The following BRAF variants were observed in gnomAD, a reference collection of about 807,000 sequenced individuals.
BRAF encodes the protein B-Raf proto-oncogene, serine/threonine kinase.
A neutral mutation model predicts 104.6 loss-of-function variants in BRAF; 16 were observed. That is an observed-to-expected ratio of 0.15 (90% CI 0.10 to 0.23). BRAF has a LOEUF of 0.23. Ranked by LOEUF, BRAF falls within the 10% of genes least tolerant of loss-of-function variation. The pLI, the probability that BRAF is intolerant of heterozygous loss-of-function variation, is 1.00. For synonymous variants in BRAF, 310 were observed against 341.6 expected (o/e 0.91, Z 1.02); for missense variants, 541 against 937.3 (o/e 0.58, Z 5.52).
At chr7:140,739,367 T>G (rs1796708083) in intron 18 of BRAF, among the ~76,000 whole-genome samples, 1 of 152,126 alleles carries the variant, frequency 6.6e-6, no homozygotes, top group Non-Finnish European at 1.5e-5. Flanking sequence ...ACAATACAAC[T>G]CCTCACTAAT....
intron 3 of BRAF, among the ~76,000 whole-genome samples, chr7:140,827,657 T>C (rs1238436185): frequency 6.6e-6 from 1 of 152,204 alleles, no homozygotes; most frequent in Non-Finnish European, 1.5e-5. Context: ...CCCAGTGTTG[T>C]ATTCCCACAC....
intron 1 of BRAF, among the ~76,000 whole-genome samples, chr7:140,876,189 G>C (rs1050530936): frequency 6.6e-6 from 1 of 152,180 alleles, no homozygotes; most frequent in Admixed American, 6.5e-5. Flanking sequence ...AGAGACCTAC[G>C]TAGTTTTAAC....
At chr7:140,791,965 T>C (rs558347975) in intron 8 of BRAF, among the ~76,000 whole-genome samples, 4 of 152,326 alleles carry the variant, frequency 2.6e-5, no homozygotes, top group African/African-American at 9.6e-5. Flanking sequence ...GTAAATCTAA[T>C]TTTCTTAACA....
At position 140,725,467 on chromosome 7, in the gene BRAF, T is replaced by G. The variant is rs777673922; in HGVS notation, c.*1027A>C. 1.4e-4 allele frequency: 134 copies of G among 936,112 alleles called. No individual in the cohort carries two copies. The Middle Eastern group carries it at 1.5e-3, about 10-fold the overall frequency. 58.0% of individuals were successfully genotyped at this position (936,112 alleles called of 1,614,324 possible). A position where few individuals can be genotyped will look rare whatever the true frequency, so the allele number is the denominator to read the frequency against. On this transcript the variant is annotated 3_prime_UTR_variant, in exon 20 of 20. Coordinates refer to ENST00000644969, the MANE Select transcript of BRAF (RefSeq NM_001374258.1). ...ATTAAATCTGAAAATTATTTTCTTT[T>G]TAATAAAAATAGAAAAGAAGAAACT...
In BRAF at chr7:140,726,164, T is replaced by C. The variant is rs1014782777; in HGVS notation, c.*330A>G. The C allele has an allele frequency of 1.7e-5, 20 of 1,149,436 alleles. No homozygotes were observed. The highest frequency in any genetic ancestry group is 1.9e-5 in the Non-Finnish European group (18 of 934,502). The allele number at this position is 1,149,436 out of a possible 1,614,324, so 71.2% of individuals were successfully genotyped here. A position where few individuals can be genotyped will look rare whatever the true frequency, so the allele number is the denominator to read the frequency against. On this transcript the variant is annotated 3_prime_UTR_variant, in exon 20 of 20. Transcript: ENST00000644969. The stretch of plus-strand genomic sequence containing the variant: ...ACTGGCAGACTTTCCATAGCAAATC[T>C]CCCAAGCTGTAGCAGCAGTTTCTTT...
chr7:140,922,334 A>C (rs1818314745), intron 1 of BRAF, among the ~76,000 whole-genome samples: 1 of 152,200 alleles, frequency 6.6e-6, no homozygotes, highest in African/African-American at 2.4e-5. Flanking sequence ...GACATGTGCC[A>C]AATACAGAAA....
At chr7:140,751,924 T>C (rs1441026252) in intron 16 of BRAF, among the ~76,000 whole-genome samples, 2 of 152,206 alleles carry the variant, frequency 1.3e-5, no homozygotes, top group Non-Finnish European at 2.9e-5. Context: ...CTAAGACTTT[T>C]GGAAAGGCTG....
intron 17 of BRAF, among the ~76,000 whole-genome samples, chr7:140,747,711 T>C (rs915069062): frequency 2.6e-5 from 4 of 152,272 alleles, no homozygotes; most frequent in South Asian, 2.1e-4. Flanking sequence ...GTACAGGCTG[T>C]TATGCTGTAT....
intron 3 of BRAF, among the ~76,000 whole-genome samples, chr7:140,827,232 G>A (rs1806157369): frequency 6.6e-6 from 1 of 152,176 alleles, no homozygotes; most frequent in South Asian, 2.1e-4. Context: ...ACTGATTGTA[G>A]ACTGTTTCCT....
Position 140,720,117 on chromosome 7 carries a change from GA to G in BRAF, c.*6376del. On this transcript the variant is annotated 3_prime_UTR_variant, in exon 20 of 20. Coordinates refer to ENST00000644969, the MANE Select transcript of BRAF (RefSeq NM_001374258.1). ...ATAAAATTCAGAGACACATGTTGAT[GA>G]ATGATCAAATTCAATCCCCTGATCA... The G allele has an allele frequency of 9.4e-7, 1 of 1,060,962 alleles. No individual in the cohort carries two copies. The highest frequency in any genetic ancestry group is 1.1e-6 in the Non-Finnish European group (1 of 876,582). 65.7% of individuals were successfully genotyped at this position (1,060,962 alleles called of 1,614,324 possible).
At chr7:140,812,238 G>A (rs1804359313) in intron 3 of BRAF, among the ~76,000 whole-genome samples, 1 of 151,228 alleles carries the variant, frequency 6.6e-6, no homozygotes, top group African/African-American at 2.4e-5. Flanking sequence ...AGAATCTAAT[G>A]AAAGCCTCAA....
chr7:140,924,678 C>G lies in BRAF; in HGVS notation c.26G>C (p.Gly9Ala), dbSNP rs1211436028. 15 of 1,170,034 alleles carry G rather than the reference C, an allele frequency of 1.3e-5. No individual in the cohort carries two copies. Among genetic ancestry groups the G allele is most frequent in the Admixed American group, 8.3e-5 (4 of 48,362 alleles). The allele number at this position is 1,170,034 out of a possible 1,614,324, so 72.5% of individuals were successfully genotyped here. Residue 9 changes from glycine to alanine, a missense_variant, in exon 1 of 20, where the codon GGT (glycine) becomes GCT (alanine). This residue lies in a region of BRAF where 82 missense variants were observed against 65.9 expected (regional missense o/e 1.24). Transcript: ENST00000644969. This position sits in a 1 kb window ranked among gnomAD's most constrained non-coding sequence, Gnocchi z 4.2. MAALSGGGGGGAEPGQALF... is the reference protein window; with the variant it reads MAALSGGGAGGAEPGQALF... Reference sequence around the variant, plus strand: ...AGCCTGGCCCGGCTCCGCGCCGCCACCACCGCCACCGCTCAGCGCCGCCAT... The same window carrying G: ...AGCCTGGCCCGGCTCCGCGCCGCCAGCACCGCCACCGCTCAGCGCCGCCAT...
intron 1 of BRAF, among the ~76,000 whole-genome samples, chr7:140,897,059 C>G (rs1815003824): frequency 7.2e-6 from 1 of 138,542 alleles, no homozygotes; most frequent in Non-Finnish European, 1.6e-5. Flanking sequence ...CAACCTAATT[C>G]TTTTTTTTTT....
intron 1 of BRAF, among the ~76,000 whole-genome samples, chr7:140,860,236 T>C (rs1810259969): frequency 6.6e-6 from 1 of 152,058 alleles, no homozygotes; most frequent in Non-Finnish European, 1.5e-5. Context: ...ATAATAAATA[T>C]TTCCAGGGTA....
intron 1 of BRAF, among the ~76,000 whole-genome samples, chr7:140,895,207 C>G (rs1814743158): frequency 6.6e-6 from 1 of 151,932 alleles, no homozygotes; most frequent in African/African-American, 2.4e-5. Flanking sequence ...CTAAATAGAT[C>G]AATGTAGGAA....
chr7:140,877,818 A>G (rs1425866254), intron 1 of BRAF, among the ~76,000 whole-genome samples: 1 of 152,158 alleles, frequency 6.6e-6, no homozygotes, highest in South Asian at 2.1e-4. Context: ...ATATCTGAAG[A>G]TATCTTTTAT....
At chr7:140,825,261 C>T (rs565722799) in intron 3 of BRAF, among the ~76,000 whole-genome samples, 1 of 152,172 alleles carries the variant, frequency 6.6e-6, no homozygotes. Context: ...AGCCTCCGCA[C>T]CCAGCCATTT....
intron 8 of BRAF, among the ~76,000 whole-genome samples, chr7:140,789,444 A>C (rs1024005858): frequency 2.6e-5 from 4 of 152,164 alleles, no homozygotes; most frequent in Non-Finnish European, 5.9e-5. Context: ...TTCTTTAAAG[A>C]TGTATTTCTA....
Position 140,724,346 on chromosome 7 carries a change from G to C in BRAF, c.*2148C>G, listed in dbSNP as rs957711431. 1.0e-5 allele frequency: 11 copies of C among 1,054,496 alleles called. No homozygotes were observed. The highest frequency in any genetic ancestry group is 1.0e-5 in the Non-Finnish European group (9 of 872,532). 65.3% of individuals were successfully genotyped at this position (1,054,496 alleles called of 1,614,324 possible). A position where few individuals can be genotyped will look rare whatever the true frequency, so the allele number is the denominator to read the frequency against. The stretch of plus-strand genomic sequence containing the variant: ...AGCCAATCTTGGTAAAGGGAACACA[G>C]CCACATTTAAAAGCATCTAGAGATA... On this transcript the variant is annotated 3_prime_UTR_variant, in exon 20 of 20. Transcript: ENST00000644969.
Sources: allele counts gnomAD v4.1 joint callset (sites outside exome capture counted in the v4.1 genomes callset), GRCh38; gene constraint gnomAD v4.1.1; regional missense constraint gnomAD v4.1.1; non-coding constraint Gnocchi (gnomAD v3.1); transcripts MANE v1.5; gene names NCBI Gene and HGNC (gene_info 2026-07-23, HGNC 2026-07-21).